TSSK3: variants seen among roughly 807,000 people sequenced by gnomAD.
TSSK3 encodes testis-specific serine/threonine-protein kinase 3.
A neutral mutation model predicts 18.9 loss-of-function variants in TSSK3; 16 were observed. That is an observed-to-expected ratio of 0.85 (90% CI 0.57 to 1.28). The LOEUF is 1.28. TSSK3 is among the 50% of genes most tolerant of loss of function. The pLI, the probability that TSSK3 is intolerant of heterozygous loss-of-function variation, is 0.00. For synonymous variants in TSSK3, 146 were observed against 133.9 expected (o/e 1.09, Z -0.62); for missense variants, 345 against 341.0 (o/e 1.01, Z -0.09).
At chr1:32,363,065 TG>T (rs1200761243) in intron 1 of TSSK3, 1 of 558,212 alleles carries the variant, frequency 1.8e-6, no homozygotes, top group African/African-American at 1.9e-5. Flanking sequence ...GAAAGTGGCA[TG>T]AGGTGAAGGA....
In TSSK3 at chr1:32,363,606, A is replaced by C. The variant is rs145737246; in HGVS notation, c.157A>C (p.Arg53=). Reference sequence around the variant, plus strand: ...CCTTACTTCCTCAGAGTTTATCCAGAGATTCCTCCCTCGGGAGCTCCAAAT... The same window carrying C: ...CCTTACTTCCTCAGAGTTTATCCAGCGATTCCTCCCTCGGGAGCTCCAAAT... ...KMGGPEEFIQ[R]FLPRELQIVR... The change falls in exon 2 of 2, where the codon AGA becomes CGA. Residue 53 remains arginine, a synonymous_variant. Coordinates refer to ENST00000373534, the MANE Select transcript of TSSK3 (RefSeq NM_052841.4). 2.8e-4 allele frequency: 444 copies of C among 1,609,816 alleles called. 3 individuals are homozygous for C. The African/African-American group carries it at 5.4e-3, about 19-fold the overall frequency.
Position 32,363,626 on chromosome 1 carries a change from C to A in TSSK3, c.177C>A (p.Leu59=). ...TCCAGAGATTCCTCCCTCGGGAGCT[C>A]CAAATCGTCCGTACCCTGGACCACA... ...EFIQRFLPRE[L]QIVRTLDHKN... is the part of the protein sequence containing the mutation. Residue 59 remains leucine (L), a synonymous_variant, in exon 2 of 2, where the codon CTC becomes CTA. Coordinates refer to ENST00000373534, the MANE Select transcript of TSSK3 (RefSeq NM_052841.4). 2 of 1,613,616 alleles carry A rather than the reference C, an allele frequency of 1.2e-6. No homozygotes were observed. Among genetic ancestry groups the A allele is most frequent in the Non-Finnish European group, 1.7e-6 (2 of 1,179,610 alleles).
chr1:32,364,232 G>A lies in TSSK3; in HGVS notation c.783G>A (p.Trp261Ter). 1 of 1,600,416 alleles carries A rather than the reference G, an allele frequency of 6.2e-7. No individual in the cohort carries two copies. Among genetic ancestry groups the A allele is most frequent in the Non-Finnish European group, 8.6e-7 (1 of 1,169,428 alleles). ...ILRPSIEEVS[W>*]HPWLAST ...GGCCTTCAATTGAAGAAGTTAGTTG[G>A]CATCCATGGCTAGCAAGCACTTGAT... The change falls in exon 2 of 2, where the codon TGG (tryptophan) becomes TGA (stop). Residue 261 changes from tryptophan to a stop codon, truncating the protein, a stop_gained. Transcript: ENST00000373534. LOFTEE classifies it high-confidence loss of function.
At position 32,364,113 on chromosome 1, in the gene TSSK3, C is replaced by T. The variant is rs1208482816; in HGVS notation, c.664C>T (p.Gln222Ter). 6.2e-7 allele frequency: 1 copy of T among 1,614,254 alleles called. No individual in the cohort carries two copies. Among genetic ancestry groups the T allele is most frequent in the East Asian group, 2.2e-5 (1 of 44,882 alleles). The change falls in exon 2 of 2, where the codon CAG becomes TAG. Residue 222 changes from glutamine (Q) to a stop codon, truncating the protein, a stop_gained. Coordinates refer to ENST00000373534, the MANE Select transcript of TSSK3 (RefSeq NM_052841.4). LOFTEE classifies it high-confidence loss of function. ...AGACATCCCCAAGATGCTGTGGCAG[C>T]AGCAGAAGGGGGTGTCCTTCCCCAC... ...DTDIPKMLWQ[Q>*]QKGVSFPTHL...
chr1:32,363,149 G>C (rs1368810865), intron 1 of TSSK3: 1 of 410,732 alleles, frequency 2.4e-6, no homozygotes, highest in South Asian at 2.8e-5. Context: ...GCCACAACCA[G>C]GGCTGGTAGA....
intron 1 of TSSK3, chr1:32,363,233 CA>C (rs2148097086): frequency 2.8e-6 from 1 of 352,070 alleles, no homozygotes; most frequent in Non-Finnish European, 5.3e-6. Flanking sequence ...ATTGTGGGGT[CA>C]GGGGACAGTG....
chr1:32,362,881 G>T, intron 1 of TSSK3, 35 bp downstream of exon 1: 1 of 1,603,014 alleles, frequency 6.2e-7, no homozygotes, highest in Admixed American at 1.7e-5. Context: ...AAGGAGGGAG[G>T]ACTGGCTGAG....
In TSSK3 at chr1:32,363,970, C is replaced by T. The variant is rs1423650965; in HGVS notation, c.521C>T (p.Ala174Val). 1 of 1,614,276 alleles carries T rather than the reference C, an allele frequency of 6.2e-7. No homozygotes were observed. The highest frequency in any genetic ancestry group is 1.1e-5 in the South Asian group (1 of 91,090). ...ELSQTFCGST[A>V]YAAPEVLQGI... is the part of the protein sequence containing the mutation. ...AGCCAGACCTTCTGCGGCAGTACAG[C>T]CTATGCTGCCCCCGAGGTGCTGCAG... Residue 174 changes from alanine to valine, a missense_variant, in exon 2 of 2, where the codon GCC becomes GTC. Transcript: ENST00000373534.
In TSSK3 at chr1:32,363,122, AAC is replaced by A. The variant is rs1185280212; in HGVS notation, c.145+278_145+279del. 22 of 440,034 alleles carry A rather than the reference AAC, an allele frequency of 5.0e-5. No individual in the cohort carries two copies. The Admixed American group carries it at 7.3e-4, about 15-fold the overall frequency. The allele number at this position is 440,034 out of a possible 1,614,324, so 27.3% of individuals were successfully genotyped here. A position where few individuals can be genotyped will look rare whatever the true frequency, so the allele number is the denominator to read the frequency against. ...GCCAGGCTTTCCTTTCCGGCAGGGG[AAC>A]AGAGACTGGCAGAGGCCACAACCAG... On this transcript the variant is annotated intron_variant, in intron 1 of 1. Transcript: ENST00000373534.
chr1:32,362,652 TCA>T lies in TSSK3; in HGVS notation c.-49_-48del. ...GGCGATGGTGGAGTAGAGCTGCCTC[TCA>T]GAGGCAGCATGAGCTGAGAGGGTGA... is the stretch of plus-strand genomic sequence containing the variant. On this transcript the variant is annotated 5_prime_UTR_variant, in exon 1 of 2. An upstream open reading frame in the 5' UTR gains an earlier in-frame stop. Transcript: ENST00000373534. 6.2e-7 allele frequency: 1 copy of T among 1,606,842 alleles called. No homozygotes were observed. The highest frequency in any genetic ancestry group is 1.1e-5 in the South Asian group (1 of 90,766).
At position 32,363,801 on chromosome 1, in the gene TSSK3, A is replaced by ATGG. The variant is rs2148097840; in HGVS notation, c.354_356dup (p.Val119dup). 1 of 1,614,190 alleles carries ATGG rather than the reference A, an allele frequency of 6.2e-7. No homozygotes were observed. The highest frequency in any genetic ancestry group is 8.5e-7 in the Non-Finnish European group (1 of 1,180,032). On this transcript the variant is annotated inframe_insertion, in exon 2 of 2. Transcript: ENST00000373534. ...CCGGGCCAAGGCCCTCTTCCGTCAG[A>ATGG]TGGTTGAGGCCATCCGCTACTGCCA...
rs756796843 is a variant in TSSK3, at chr1:32,363,756, G to T, written c.307G>T (p.Gly103Trp). The T allele has an allele frequency of 6.2e-7, 1 of 1,614,232 alleles. No homozygotes were observed. Among genetic ancestry groups the T allele is most frequent in the Admixed American group, 1.7e-5 (1 of 60,034 alleles). ...GGATGTCTTTGACTGCGTGCTGAAT[G>T]GGGGGCCACTGCCTGAAAGCCGGGC... is the stretch of plus-strand genomic sequence containing the variant. ...GGDVFDCVLN[G>W]GPLPESRAKA... Residue 103 changes from glycine (G) to tryptophan (W), a missense_variant, in exon 2 of 2, where the codon GGG becomes TGG. Gly to Trp is a radical substitution (Grantham distance 184, BLOSUM62 -2). Coordinates refer to ENST00000373534, the MANE Select transcript of TSSK3 (RefSeq NM_052841.4).
At chr1:32,363,432 C>T (rs1464053873) in intron 1 of TSSK3, 163 bp from the exon 2 acceptor site, 2 of 666,870 alleles carry the variant, frequency 3.0e-6, no homozygotes, top group Non-Finnish European at 5.0e-6. Flanking sequence ...TAGAAGTGAA[C>T]ATTCTTTGCA....
Position 32,363,785 on chromosome 1 carries a change from G to A in TSSK3, c.336G>A (p.Lys112=). Residue 112 remains lysine (K), a synonymous_variant, in exon 2 of 2, where the codon AAG becomes AAA. Coordinates refer to ENST00000373534, the MANE Select transcript of TSSK3 (RefSeq NM_052841.4). ...NGGPLPESRA[K]ALFRQMVEAI... ...GGCCACTGCCTGAAAGCCGGGCCAAGGCCCTCTTCCGTCAGATGGTTGAGG... is the reference window on the plus strand; with the variant it reads ...GGCCACTGCCTGAAAGCCGGGCCAAAGCCCTCTTCCGTCAGATGGTTGAGG... The A allele has an allele frequency of 6.2e-7, 1 of 1,614,242 alleles. No individual in the cohort carries two copies. Among genetic ancestry groups the A allele is most frequent in the Non-Finnish European group, 8.5e-7 (1 of 1,180,044 alleles).
rs374749640 is a variant in TSSK3 at position 32,363,618 on chromosome 1, C to T, written c.169C>T (p.Arg57Trp). ...PEEFIQRFLP[R>W]ELQIVRTLDH... is the part of the protein sequence containing the mutation. ...AGAGTTTATCCAGAGATTCCTCCCT[C>T]GGGAGCTCCAAATCGTCCGTACCCT... Residue 57 changes from arginine to tryptophan, a missense_variant, in exon 2 of 2, where the codon CGG becomes TGG. Arg to Trp is a moderately radical substitution (Grantham distance 101). Coordinates refer to ENST00000373534, the MANE Select transcript of TSSK3 (RefSeq NM_052841.4). The T allele has an allele frequency of 3.9e-5, 63 of 1,612,974 alleles. No homozygotes were observed. Among genetic ancestry groups the T allele is most frequent in the Non-Finnish European group, 4.8e-5 (57 of 1,179,358 alleles).
chr1:32,363,287 T>C, intron 1 of TSSK3: 1 of 392,950 alleles, frequency 2.5e-6, no homozygotes, highest in Admixed American at 4.0e-5. Context: ...AATCAGGCCT[T>C]ATAATTTGTG....
intron 1 of TSSK3, chr1:32,363,379 T>G: frequency 1.8e-6 from 1 of 569,102 alleles, no homozygotes; most frequent in Non-Finnish European, 3.1e-6. Flanking sequence ...ACAAGGCTGG[T>G]GGGGAGTGCT....
At chr1:32,362,937 T>C in intron 1 of TSSK3, 91 bp downstream of exon 1, 2 of 1,492,060 alleles carry the variant, frequency 1.3e-6, no homozygotes, top group Non-Finnish European at 1.8e-6. Context: ...CATTCGATCA[T>C]TCCCTGCTCC....
intron 1 of TSSK3, 144 bp downstream of exon 1, chr1:32,362,990 G>T (rs1641735060): frequency 3.3e-6 from 3 of 910,864 alleles, no homozygotes. Context: ...GCTCTGGAGT[G>T]GGTCAGTGGG....
Sources: gnomAD v4.1 joint callset for allele counts on GRCh38, gnomAD v4.1.1 for gene constraint, MANE v1.5 for transcripts, NCBI Gene and HGNC (gene_info 2026-07-23, HGNC 2026-07-21) for gene names.